TUBGCP3: variants seen among roughly 807,000 people sequenced by gnomAD.
The protein encoded by TUBGCP3 is gamma-tubulin complex component 3.
Under a neutral mutation model 123.1 loss-of-function variants are expected in TUBGCP3, and 50 were observed. The observed-to-expected ratio is 0.41, with a 90% confidence interval of 0.32 to 0.51. The LOEUF is 0.51. Ranked by LOEUF, TUBGCP3 falls within the 20% of genes least tolerant of loss-of-function variation. The pLI is 0.36. For missense variants in TUBGCP3, 882 were observed against 1,127.0 expected (o/e 0.78, Z 3.11); for synonymous variants, 405 against 413.9 (o/e 0.98, Z 0.26).
At chr13:112,506,146 C>T (rs771716413) in intron 17 of TUBGCP3, among the ~76,000 whole-genome samples, 1 of 152,194 alleles carries the variant, frequency 6.6e-6, no homozygotes, top group Non-Finnish European at 1.5e-5. Context: ...TGATGGCAGA[C>T]TTAGACAATG....
At chr13:112,540,588 G>A (rs1314465830) in intron 11 of TUBGCP3, among the ~76,000 whole-genome samples, 1 of 147,490 alleles carries the variant, frequency 6.8e-6, no homozygotes, top group African/African-American at 2.5e-5. Flanking sequence ...CGTCAATGTA[G>A]TAGCCTATGA....
At chr13:112,509,010 A>C (rs1594121744) in intron 17 of TUBGCP3, among the ~76,000 whole-genome samples, 1 of 152,154 alleles carries the variant, frequency 6.6e-6, no homozygotes, top group East Asian at 1.9e-4. Flanking sequence ...CATTATTCTC[A>C]ACTACCTGAA....
chr13:112,503,650 G>C (rs1881084070), intron 19 of TUBGCP3, among the ~76,000 whole-genome samples: 1 of 152,160 alleles, frequency 6.6e-6, no homozygotes, highest in East Asian at 1.9e-4. Flanking sequence ...TTACAAGCAT[G>C]AGCCACTGCG....
In TUBGCP3 at chr13:112,554,174, T is replaced by G; in HGVS notation, c.849A>C (p.Leu283=). 1 of 1,613,428 alleles carries G rather than the reference T, an allele frequency of 6.2e-7. No homozygotes were observed. Among genetic ancestry groups the G allele is most frequent in the Non-Finnish European group, 8.5e-7 (1 of 1,179,878 alleles). ...NCYKVEGKAN[L]SRSLRDTAVR... ...CTGCTGTGTCTCTCAAAGACCTACT[T>G]AGATTTGCCTAAAAAGTAAATACAT... Residue 283 remains leucine, a synonymous_variant, in exon 8 of 22, where the codon CTA becomes CTC. Transcript: ENST00000261965.
intron 16 of TUBGCP3, among the ~76,000 whole-genome samples, chr13:112,516,897 C>T (rs1215189561): frequency 6.6e-6 from 1 of 152,214 alleles, no homozygotes; most frequent in African/African-American, 2.4e-5. Flanking sequence ...GGTGCACTTT[C>T]TTCTGTAACA....
At chr13:112,548,927 C>T (rs1251343835) in intron 8 of TUBGCP3, among the ~76,000 whole-genome samples, 1 of 152,132 alleles carries the variant, frequency 6.6e-6, no homozygotes. Flanking sequence ...GACAGTGTGG[C>T]GATTCCTCAA....
chr13:112,536,068 A>T (rs1878024901), intron 11 of TUBGCP3, among the ~76,000 whole-genome samples: 2 of 152,266 alleles, frequency 1.3e-5, no homozygotes, highest in Admixed American at 1.3e-4. Context: ...ATCAATAAAA[A>T]TGAAGATGTA....
chr13:112,557,932 C>A (rs923506521), intron 5 of TUBGCP3, among the ~76,000 whole-genome samples: 1 of 152,238 alleles, frequency 6.6e-6, no homozygotes, highest in African/African-American at 2.4e-5. Flanking sequence ...GTACTTCAAG[C>A]TCCTTCGTGA....
the TUBGCP3 span, among the ~76,000 whole-genome samples, chr13:112,597,980 T>C: frequency 6.6e-6 from 1 of 152,152 alleles, no homozygotes; most frequent in Non-Finnish European, 1.5e-5. Flanking sequence ...CACACTTGCC[T>C]AAGGAAAGCC....
At chr13:112,560,265 C>G (rs906977340) in intron 3 of TUBGCP3, among the ~76,000 whole-genome samples, 5 of 151,564 alleles carry the variant, frequency 3.3e-5, no homozygotes, top group Non-Finnish European at 1.5e-5. Context: ...CCCGTCTCTA[C>G]TAAAAATACA....
chr13:112,553,908 C>T, intron 8 of TUBGCP3, 149 bp downstream of exon 8: 1 of 1,228,316 alleles, frequency 8.1e-7, no homozygotes, highest in Non-Finnish European at 1.1e-6. Context: ...GTGGTTTCTA[C>T]TGTCTTGAGT....
At chr13:112,496,886 TG>T (rs1343838290) in intron 20 of TUBGCP3, among the ~76,000 whole-genome samples, 9 of 151,112 alleles carry the variant, frequency 6.0e-5, no homozygotes, top group African/African-American at 2.2e-4. Flanking sequence ...CTTGGGAGGC[TG>T]AGGCAGGAGA....
At chr13:112,563,743 C>T (rs1008749906) in intron 3 of TUBGCP3, among the ~76,000 whole-genome samples, 1 of 150,192 alleles carries the variant, frequency 6.7e-6, no homozygotes, top group African/African-American at 2.5e-5. Flanking sequence ...GGCGTGTTGG[C>T]GGGCGCCTGT....
At chr13:112,582,831 T>C (rs1243269069) in intron 1 of TUBGCP3, among the ~76,000 whole-genome samples, 1 of 152,196 alleles carries the variant, frequency 6.6e-6, no homozygotes, top group Non-Finnish European at 1.5e-5. Flanking sequence ...GATGATCCTC[T>C]GAAATTATTT....
At chr13:112,559,758 T>C (rs376918003) in intron 3 of TUBGCP3, among the ~76,000 whole-genome samples, 6 of 152,160 alleles carry the variant, frequency 3.9e-5, no homozygotes, top group African/African-American at 1.4e-4. Context: ...CATAAAAATA[T>C]GTGAATTATT....
chr13:112,572,646 G>GAAC (rs1211808586), intron 1 of TUBGCP3, among the ~76,000 whole-genome samples: 2 of 152,186 alleles, frequency 1.3e-5, no homozygotes, highest in Non-Finnish European at 2.9e-5. Flanking sequence ...GTGAGACAGG[G>GAAC]AACAGCTGGT....
chr13:112,559,243 T>A, intron 4 of TUBGCP3, 79 bp downstream of exon 4: 2 of 1,160,220 alleles, frequency 1.7e-6, no homozygotes, highest in South Asian at 2.8e-5. Flanking sequence ...ATTATTTTCT[T>A]AGCTGCAGAA....
intron 16 of TUBGCP3, among the ~76,000 whole-genome samples, chr13:112,518,353 C>T (rs1876331837): frequency 6.6e-6 from 1 of 152,156 alleles, no homozygotes; most frequent in African/African-American, 2.4e-5. Flanking sequence ...ATGCAATGTC[C>T]TTCTTCAGTA....
At chr13:112,493,730 G>C in intron 20 of TUBGCP3, among the ~76,000 whole-genome samples, 1 of 148,992 alleles carries the variant, frequency 6.7e-6, no homozygotes, top group Non-Finnish European at 1.5e-5. Context: ...AGACACTCTG[G>C]CTATGGGAAC....
Sources: allele counts gnomAD v4.1 joint callset (sites outside exome capture counted in the v4.1 genomes callset), GRCh38; gene constraint gnomAD v4.1.1; transcripts MANE v1.5; gene names NCBI Gene and HGNC (gene_info 2026-07-23, HGNC 2026-07-21).